Variants in PLD5 observed in about 807,000 individuals in gnomAD.
PLD5 encodes phospholipase D family member 5.
Under a neutral mutation model 61.1 loss-of-function variants are expected in PLD5, and 36 were observed. The ratio of observed to expected loss-of-function variants is 0.59; its 90% CI spans 0.45 to 0.78. The LOEUF (loss-of-function observed/expected upper bound fraction) is 0.78. Ranked by LOEUF, PLD5 falls within the 30% of genes least tolerant of loss-of-function variation. The pLI, the probability that PLD5 is intolerant of heterozygous loss-of-function variation, is 0.00. For missense variants in PLD5, 515 were observed against 644.4 expected (o/e 0.80, Z 2.17); for synonymous variants, 243 against 242.8 (o/e 1.00, Z -0.01).
At chr1:242,494,023 C>T (rs1157375493) in intron 1 of PLD5, among the ~76,000 whole-genome samples, 1 of 151,988 alleles carries the variant, frequency 6.6e-6, no homozygotes, top group Non-Finnish European at 1.5e-5. Context: ...CTAATAATTG[C>T]ATTTATTTGC....
At chr1:242,414,276 T>G (rs960542455) in intron 1 of PLD5, among the ~76,000 whole-genome samples, 14 of 151,208 alleles carry the variant, frequency 9.3e-5, no homozygotes, top group Admixed American at 6.6e-5. Context: ...GCTGCAGAGA[T>G]AGAAAAAATA....
intron 1 of PLD5, among the ~76,000 whole-genome samples, chr1:242,398,984 A>G (rs1286263148): frequency 1.3e-5 from 2 of 152,200 alleles, no homozygotes. Flanking sequence ...CAATCCAAGG[A>G]AGATGACACC....
intron 1 of PLD5, among the ~76,000 whole-genome samples, chr1:242,481,311 C>A (rs1232766898): frequency 6.6e-6 from 1 of 152,168 alleles, no homozygotes; most frequent in African/African-American, 2.4e-5. Context: ...CTTTCCTAGC[C>A]AAGGAAAGGG....
intron 1 of PLD5, among the ~76,000 whole-genome samples, chr1:242,389,707 A>G (rs1001195930): frequency 6.6e-6 from 1 of 152,026 alleles, no homozygotes; most frequent in South Asian, 2.1e-4. Flanking sequence ...AAAAATATTC[A>G]TCCACTCCAG....
intron 5 of PLD5, among the ~76,000 whole-genome samples, chr1:242,200,969 C>A (rs1335840448): frequency 6.6e-6 from 1 of 152,180 alleles, no homozygotes; most frequent in East Asian, 1.9e-4. Context: ...TTCAGAGCCA[C>A]CAGTTCTAGA....
intron 1 of PLD5, 105 bp from the exon 2 acceptor site, chr1:242,348,347 A>G: frequency 1.6e-6 from 2 of 1,226,280 alleles, no homozygotes; most frequent in Non-Finnish European, 2.2e-6. Context: ...GGGTGGGGAT[A>G]CGATTATCAC....
chr1:242,155,920 T>C (rs1665326223), intron 5 of PLD5, among the ~76,000 whole-genome samples: 1 of 152,310 alleles, frequency 6.6e-6, no homozygotes, highest in East Asian at 1.9e-4. Flanking sequence ...ATTTTCTGTC[T>C]CATTGATCTG....
At chr1:242,415,570 T>G (rs1471663256) in intron 1 of PLD5, among the ~76,000 whole-genome samples, 1 of 150,544 alleles carries the variant, frequency 6.6e-6, no homozygotes, top group East Asian at 2.0e-4. Flanking sequence ...TGGAGTGCAG[T>G]GGCGAGATCT....
intron 1 of PLD5, chr1:242,377,003 A>C (rs1662000912): frequency 6.2e-7 from 1 of 1,611,768 alleles, no homozygotes; most frequent in African/African-American, 1.3e-5. Context: ...AGGCAGCTTC[A>C]GTTTCAAAAG....
intron 4 of PLD5, among the ~76,000 whole-genome samples, chr1:242,237,830 T>C (rs1671739640): frequency 6.6e-6 from 1 of 152,224 alleles, no homozygotes; most frequent in Non-Finnish European, 1.5e-5. Context: ...CTCGTTAAAT[T>C]TGAATTTCAG....
At chr1:242,422,234 A>C (rs528707400) in intron 1 of PLD5, among the ~76,000 whole-genome samples, 1 of 152,276 alleles carries the variant, frequency 6.6e-6, no homozygotes, top group African/African-American at 2.4e-5. Context: ...GGAGAAGGGA[A>C]CGAGAACATC....
chr1:242,403,711 G>T (rs553806957), intron 1 of PLD5, among the ~76,000 whole-genome samples: 1 of 151,978 alleles, frequency 6.6e-6, no homozygotes, highest in Middle Eastern at 3.4e-3. Context: ...CAAGTGATCC[G>T]CCCGCCTTGG....
intron 1 of PLD5, among the ~76,000 whole-genome samples, chr1:242,417,680 G>A (rs867870683): frequency 6.6e-6 from 1 of 152,162 alleles, no homozygotes; most frequent in African/African-American, 2.4e-5. Flanking sequence ...AGCCCTCCAG[G>A]GCTAAGCCCC....
chr1:242,412,157 T>C (rs1212497279), intron 1 of PLD5, among the ~76,000 whole-genome samples: 1 of 152,160 alleles, frequency 6.6e-6, no homozygotes, highest in Admixed American at 6.5e-5. Context: ...ATGCTCACTA[T>C]GAAGTCTTGA....
rs116413241 is a variant in PLD5 at position 242,240,061 on chromosome 1, T to C, written c.608-19946A>G. 3.8e-3 allele frequency among the ~76,000 whole-genome samples: 580 copies of C among 152,324 alleles called. 2 individuals carry two copies. Among genetic ancestry groups the C allele is most frequent in the African/African-American group, 0.013 (537 of 41,572 alleles). On this transcript the variant is annotated intron_variant, in intron 4 of 9. Transcript: ENST00000536534. ...CAGGAACAAACATCTACTTCACTGTTCTTAACTGTCAACCTCTTCAAGACC... is the reference window on the plus strand; with the variant it reads ...CAGGAACAAACATCTACTTCACTGTCCTTAACTGTCAACCTCTTCAAGACC...
intron 2 of PLD5, among the ~76,000 whole-genome samples, chr1:242,317,522 G>A (rs1423368389): frequency 1.3e-5 from 2 of 152,014 alleles, no homozygotes; most frequent in East Asian, 1.9e-4. Context: ...CATCCCTAAC[G>A]GTTATAAAGA....
chr1:242,519,409 C>T (rs781074002), intron 1 of PLD5, among the ~76,000 whole-genome samples: 1 of 152,180 alleles, frequency 6.6e-6, no homozygotes, highest in African/African-American at 2.4e-5. Context: ...AGGAGACAAT[C>T]TTTTTTTAAG....
intron 1 of PLD5, among the ~76,000 whole-genome samples, chr1:242,367,623 C>A (rs1661416168): frequency 1.3e-5 from 2 of 152,152 alleles, no homozygotes; most frequent in Admixed American, 1.3e-4. Context: ...CTATGCACAA[C>A]CCTCATCCAG....
chr1:242,352,399 A>G (rs1486991196), intron 1 of PLD5, among the ~76,000 whole-genome samples: 1 of 152,184 alleles, frequency 6.6e-6, no homozygotes, highest in Non-Finnish European at 1.5e-5. Flanking sequence ...TTTCAGGCTG[A>G]ATACTATTTC....
Sources: gnomAD v4.1 joint callset for allele counts (sites outside exome capture counted in the v4.1 genomes callset) on GRCh38, gnomAD v4.1.1 for gene constraint, MANE v1.5 for transcripts, NCBI Gene and HGNC (gene_info 2026-07-23, HGNC 2026-07-21) for gene names.